Variants in DHRS3 observed in about 807,000 individuals in gnomAD.
DHRS3 encodes the protein dehydrogenase/reductase 3.
A neutral mutation model predicts 27.2 loss-of-function variants in DHRS3; 14 were observed. The observed-to-expected ratio is 0.52, with a 90% CI of 0.34 to 0.81. DHRS3 has a LOEUF of 0.81. DHRS3 is among the 30% of genes least tolerant of loss of function. The pLI is 0.01. For synonymous variants in DHRS3, 165 were observed against 175.9 expected (o/e 0.94, Z 0.49); for missense variants, 322 against 406.2 (o/e 0.79, Z 1.78).
intron 2 of DHRS3, 73 bp downstream of exon 2, chr1:12,580,450 T>G: frequency 6.9e-3 from 10,608 of 1,546,334 alleles, no homozygotes; most frequent in Non-Finnish European, 8.7e-3. Flanking sequence ...CCAGGCCACA[T>G]GAGAATGTTC....
chr1:12,580,564 G>C lies in DHRS3; in HGVS notation c.298C>G (p.Arg100Gly). The C allele has an allele frequency of 6.2e-7, 1 of 1,614,110 alleles. No homozygotes were observed. The highest frequency in any genetic ancestry group is 1.1e-5 in the South Asian group (1 of 91,078). Residue 100 changes from arginine to glycine, a missense_variant, in exon 2 of 6, where the codon CGG becomes GGG. Transcript: ENST00000616661. ...TTGGCCGTCTGGTACACCTCCTCCC[G>C]GTTGCCCACATCACAGATGAAGTAA... ...CHYFICDVGN[R>G]EEVYQTAKAV... is the part of the protein sequence containing the mutation.
At chr1:12,612,606 C>A (rs1424716203) in intron 1 of DHRS3, among the ~76,000 whole-genome samples, 1 of 152,180 alleles carries the variant, frequency 6.6e-6, no homozygotes, top group Non-Finnish European at 1.5e-5. Flanking sequence ...TCTGTGCTTC[C>A]ACTGTGTAGC....
chr1:12,594,646 G>A lies in DHRS3; in HGVS notation c.196-13980C>T, dbSNP rs1646773416. Among the ~76,000 whole-genome samples the A allele has an allele frequency of 6.6e-6, 1 of 152,094 alleles. No homozygotes were observed. On this transcript the variant is annotated intron_variant, in intron 1 of 5. Transcript: ENST00000616661. This position sits in a 1 kb window ranked among gnomAD's most constrained non-coding sequence, Gnocchi z 4.1. Reference sequence around the variant, plus strand: ...GAGGGAGCGATACAGACGCGTGGAGGAAGAGCATCCCTGGTGGAGGGAACA... The same window carrying A: ...GAGGGAGCGATACAGACGCGTGGAGAAAGAGCATCCCTGGTGGAGGGAACA...
At chr1:12,579,566 C>G (rs980702805) in intron 2 of DHRS3, among the ~76,000 whole-genome samples, 154 bp from the exon 3 acceptor site, 2 of 152,232 alleles carry the variant, frequency 1.3e-5, no homozygotes, top group African/African-American at 2.4e-5. Context: ...ACCTCCGCCT[C>G]CTGGGTTCAA....
intron 1 of DHRS3, among the ~76,000 whole-genome samples, chr1:12,588,567 A>G (rs150161225): frequency 0.01 from 1,559 of 152,282 alleles, 20 homozygotes; most frequent in African/African-American, 0.036. Flanking sequence ...TGAGCGTGCA[A>G]GGTCCTCCAG....
At chr1:12,613,065 A>C (rs1170999052) in intron 1 of DHRS3, among the ~76,000 whole-genome samples, 1 of 152,126 alleles carries the variant, frequency 6.6e-6, no homozygotes, top group Non-Finnish European at 1.5e-5. Context: ...TGTTTCAAAA[A>C]AAAAAAAAGG....
At chr1:12,598,391 C>T (rs77968404) in intron 1 of DHRS3, among the ~76,000 whole-genome samples, 40 of 150,754 alleles carry the variant, frequency 2.7e-4, no homozygotes, top group African/African-American at 9.5e-4. Flanking sequence ...TAAAATAAAA[C>T]AAAAAAAAAT....
At position 12,578,620 on chromosome 1, in the gene DHRS3, G is replaced by A. The variant is rs574997730; in HGVS notation, c.698+98C>T. The A allele has an allele frequency of 4.3e-5, 56 of 1,297,492 alleles. No homozygotes were observed. Among genetic ancestry groups the A allele is most frequent in the East Asian group, 4.0e-4 (17 of 42,848 alleles). 80.4% of individuals were successfully genotyped at this position (1,297,492 alleles called of 1,614,324 possible). A position where few individuals can be genotyped will look rare whatever the true frequency, so the allele number is the denominator to read the frequency against. On this transcript the variant is annotated intron_variant, in intron 4 of 5. Transcript: ENST00000616661. The surrounding 1 kb of genome is among the most constrained non-coding windows in gnomAD (Gnocchi z 4.5). ...AGGTATGAGGCACCGTGCCTAGCCCGATTTTTATATCAGAGCTCTTTCTGC... is the reference window on the plus strand; with the variant it reads ...AGGTATGAGGCACCGTGCCTAGCCCAATTTTTATATCAGAGCTCTTTCTGC...
At chr1:12,610,221 A>C (rs12092989) in intron 1 of DHRS3, among the ~76,000 whole-genome samples, 3 of 151,230 alleles carry the variant, frequency 2.0e-5, no homozygotes, top group Admixed American at 2.0e-4. Context: ...TGGGATTATA[A>C]GTGCGCTCTA....
At position 12,600,220 on chromosome 1, in the gene DHRS3, C is replaced by T. The variant is rs1458380301; in HGVS notation, c.195+16934G>A. 8.8e-5 allele frequency: 21 copies of T among 237,770 alleles called. 1 individual carries two copies. The highest frequency in any genetic ancestry group is 1.6e-4 in the African/African-American group (7 of 42,594). The allele number at this position is 237,770 out of a possible 1,614,324, so 14.7% of individuals were successfully genotyped here. On this transcript the variant is annotated intron_variant, in intron 1 of 5. Coordinates refer to ENST00000616661, the MANE Select transcript of DHRS3 (RefSeq NM_004753.7). ...ACATCTGTGTGTGTGTGTGTGTACACGTACACACACACACACACAATCACA... is the reference window on the plus strand; with the variant it reads ...ACATCTGTGTGTGTGTGTGTGTACATGTACACACACACACACACAATCACA...
At position 12,594,548 on chromosome 1, in the gene DHRS3, A is replaced by T. The variant is rs1646772669; in HGVS notation, c.196-13882T>A. Among the ~76,000 whole-genome samples the T allele has an allele frequency of 6.6e-6, 1 of 152,090 alleles. No homozygotes were observed. Among genetic ancestry groups the T allele is most frequent in the Non-Finnish European group, 1.5e-5 (1 of 67,990 alleles). ...ATTATGGGGTGGGAGTGGTATTCAG[A>T]TGGTGGGGGAAAGGTGCAGGGAAGT... On this transcript the variant is annotated intron_variant, in intron 1 of 5. Transcript: ENST00000616661. The surrounding 1 kb of genome is among the most constrained non-coding windows in gnomAD (Gnocchi z 4.1).
rs899529444 is a variant in DHRS3, at chr1:12,617,605, G to A, written c.-257C>T. 2.9e-6 allele frequency: 1 copy of A among 349,596 alleles called. No homozygotes were observed. The highest frequency in any genetic ancestry group is 5.1e-6 in the Non-Finnish European group (1 of 197,136). The allele number at this position is 349,596 out of a possible 1,614,324, so 21.7% of individuals were successfully genotyped here. A position where few individuals can be genotyped will look rare whatever the true frequency, so the allele number is the denominator to read the frequency against. Reference sequence around the variant, plus strand: ...GTTGGGACGGTAAAAGAGGTGGAGGGGGAAGCCGGAGGTGGAAAGTTCTAA... The same window carrying A: ...GTTGGGACGGTAAAAGAGGTGGAGGAGGAAGCCGGAGGTGGAAAGTTCTAA... On this transcript the variant is annotated 5_prime_UTR_variant, in exon 1 of 6. Transcript: ENST00000616661.
At chr1:12,615,229 G>T (rs2100731780) in intron 1 of DHRS3, among the ~76,000 whole-genome samples, 1 of 152,158 alleles carries the variant, frequency 6.6e-6, no homozygotes, top group African/African-American at 2.4e-5. Context: ...GTCAGATAAT[G>T]GCGAGTTACA....
intron 1 of DHRS3, among the ~76,000 whole-genome samples, chr1:12,613,917 T>A (rs746049671): frequency 2.0e-5 from 3 of 151,870 alleles, no homozygotes; most frequent in Non-Finnish European, 2.9e-5. Flanking sequence ...TTACGGGCGC[T>A]TACCACCAGG....
intron 1 of DHRS3, among the ~76,000 whole-genome samples, chr1:12,602,838 G>A (rs1646844696): frequency 6.6e-6 from 1 of 152,242 alleles, no homozygotes; most frequent in African/African-American, 2.4e-5. Flanking sequence ...GCCCTGGCCG[G>A]CACCACAAAT....
At chr1:12,615,988 C>T (rs1483661000) in intron 1 of DHRS3, among the ~76,000 whole-genome samples, 3 of 152,228 alleles carry the variant, frequency 2.0e-5, no homozygotes, top group African/African-American at 7.2e-5. Flanking sequence ...TTAATCGGAT[C>T]GGCTTTGGCT....
chr1:12,614,700 C>T (rs1052205527), intron 1 of DHRS3, among the ~76,000 whole-genome samples: 1 of 125,252 alleles, frequency 8.0e-6, no homozygotes, highest in Non-Finnish European at 1.6e-5. Flanking sequence ...GACTCTGGTA[C>T]ACTTTTTTTT....
At chr1:12,595,570 TG>T (rs1646788932) in intron 1 of DHRS3, among the ~76,000 whole-genome samples, 1 of 132,730 alleles carries the variant, frequency 7.5e-6, no homozygotes, top group South Asian at 2.5e-4. Flanking sequence ...GGGTGCAGAC[TG>T]GAGGGCGACT....
intron 1 of DHRS3, among the ~76,000 whole-genome samples, chr1:12,603,116 G>C (rs1342490634): frequency 2.0e-5 from 3 of 152,250 alleles, no homozygotes; most frequent in Non-Finnish European, 4.4e-5. Context: ...CCCAGAGGTA[G>C]AGGAGGTGCC....
Sources: gnomAD v4.1 joint callset for allele counts (sites outside exome capture counted in the v4.1 genomes callset) on GRCh38, gnomAD v4.1.1 for gene constraint, Gnocchi (gnomAD v3.1) non-coding constraint, MANE v1.5 for transcripts, NCBI Gene and HGNC (gene_info 2026-07-23, HGNC 2026-07-21) for gene names.